The following SYNE2 variants were observed in gnomAD, a reference collection of about 807,000 sequenced individuals.
SYNE2 encodes the protein spectrin repeat containing nuclear envelope protein 2, also known as nesprin-2.
In SYNE2, 431 loss-of-function variants were observed where a neutral mutation model predicts 856.3. The ratio of observed to expected loss-of-function variants is 0.50; its 90% CI spans 0.47 to 0.55. SYNE2 has a LOEUF of 0.55. Ranked by LOEUF, SYNE2 falls within the 20% of genes least tolerant of loss-of-function variation. The pLI is 0.00. For synonymous variants in SYNE2, 2,923 were observed against 2,872.3 expected (o/e 1.02, Z -0.56); for missense variants, 8,129 against 8,023.2 (o/e 1.01, Z -0.50).
intron 88 of SYNE2, 85 bp from the exon 89 acceptor site, chr14:64,163,314 TCTC>T (rs1178826920): frequency 1.4e-6 from 2 of 1,455,592 alleles, no homozygotes; most frequent in South Asian, 2.3e-5. Context: ...GGGCAAATAT[TCTC>T]CTAGATTTTG....
intron 10 of SYNE2, among the ~76,000 whole-genome samples, chr14:63,967,209 A>G (rs1211561565): frequency 6.6e-6 from 1 of 152,160 alleles, no homozygotes; most frequent in African/African-American, 2.4e-5. Context: ...TGAACCAAGA[A>G]AAAGCTTTAC....
intron 74 of SYNE2, among the ~76,000 whole-genome samples, chr14:64,129,180 G>A (rs200069924): frequency 1.3e-5 from 2 of 152,156 alleles, no homozygotes; most frequent in South Asian, 2.1e-4. Context: ...AGTGGCACAC[G>A]GCTGTAGTCC....
At chr14:63,773,846 A>G (rs77879148) in intron 1 of SYNE2, among the ~76,000 whole-genome samples, 2,323 of 152,312 alleles carry the variant, frequency 0.015, 51 homozygotes, top group African/African-American at 0.053. Flanking sequence ...ATCTGTGATT[A>G]TCCTTCTGAT....
At chr14:63,823,121 A>G (rs1433468169) in intron 1 of SYNE2, among the ~76,000 whole-genome samples, 2 of 152,096 alleles carry the variant, frequency 1.3e-5, no homozygotes, top group Non-Finnish European at 2.9e-5. Flanking sequence ...AATAAAAAAG[A>G]AAGAAATCTC....
chr14:64,020,535 G>T (rs754837046), intron 35 of SYNE2, among the ~76,000 whole-genome samples: 19 of 152,046 alleles, frequency 1.2e-4, no homozygotes, highest in Non-Finnish European at 2.5e-4. Context: ...CATATTTAGC[G>T]TCAATGATAT....
chr14:64,182,075 C>T (rs1450514454), intron 96 of SYNE2, among the ~76,000 whole-genome samples: 1 of 152,122 alleles, frequency 6.6e-6, no homozygotes, highest in East Asian at 1.9e-4. Flanking sequence ...TTTGGTCCTC[C>T]TTTACCCAAA....
intron 45 of SYNE2, chr14:64,034,606 T>C: frequency 1.9e-6 from 1 of 521,476 alleles, no homozygotes. Flanking sequence ...ATTTTGTAGA[T>C]CTGGACCTTT....
intron 96 of SYNE2, among the ~76,000 whole-genome samples, chr14:64,183,779 G>A (rs2098474017): frequency 6.6e-6 from 1 of 152,066 alleles, no homozygotes; most frequent in African/African-American, 2.4e-5. Flanking sequence ...AGACAGACGT[G>A]GTGGCGTGCG....
At chr14:63,981,684 A>G (rs2096586676) in intron 16 of SYNE2, among the ~76,000 whole-genome samples, 1 of 152,134 alleles carries the variant, frequency 6.6e-6, no homozygotes. Context: ...TATTGTTTTC[A>G]TGTGTTATTT....
chr14:64,168,733 A>T, intron 92 of SYNE2, 144 bp from the exon 93 acceptor site: 1 of 653,594 alleles, frequency 1.5e-6, no homozygotes, highest in East Asian at 2.8e-5. Flanking sequence ...ATAGTTGAAC[A>T]TTTTTTGCAG....
intron 25 of SYNE2, 50 bp downstream of exon 25, chr14:63,997,441 C>T: frequency 7.3e-7 from 1 of 1,376,194 alleles, no homozygotes; most frequent in Non-Finnish European, 1.0e-6. Context: ...AGTAAAAGAC[C>T]AAGTGTACAA....
chr14:63,853,836 G>A lies in SYNE2; in HGVS notation c.-52+693G>A, dbSNP rs546623993. On this transcript the variant is annotated intron_variant, in intron 1 of 115. Transcript: ENST00000555002. ...ATTATAATTCCATTTTGATTGCTTG[G>A]GGTCTTTGTTGTCTGAAATTGCCTT... Among the ~76,000 whole-genome samples the A allele has an allele frequency of 3.3e-5, 5 of 152,286 alleles. No individual in the cohort carries two copies. The South Asian group carries it at 8.3e-4, about 25-fold the overall frequency.
intron 61 of SYNE2, among the ~76,000 whole-genome samples, chr14:64,093,945 T>C (rs2097653182): frequency 6.6e-6 from 1 of 152,182 alleles, no homozygotes; most frequent in Non-Finnish European, 1.5e-5. Flanking sequence ...CAGGCTGGGC[T>C]TCAGCAGTGA....
intron 52 of SYNE2, among the ~76,000 whole-genome samples, 156 bp downstream of exon 52, chr14:64,071,066 A>G (rs2097402583): frequency 6.6e-6 from 1 of 152,236 alleles, no homozygotes; most frequent in African/African-American, 2.4e-5. Flanking sequence ...ATTAGTAACT[A>G]TAATTAAGCA....
chr14:64,199,503 AG>A (rs1317633417), intron 99 of SYNE2, among the ~76,000 whole-genome samples: 1 of 152,116 alleles, frequency 6.6e-6, no homozygotes, highest in Non-Finnish European at 1.5e-5. Flanking sequence ...GGATCACTTG[AG>A]GTCAGGAGTT....
intron 1 of SYNE2, among the ~76,000 whole-genome samples, chr14:63,787,686 C>A (rs1274202013): frequency 2.0e-5 from 3 of 152,192 alleles, no homozygotes; most frequent in African/African-American, 7.2e-5. Flanking sequence ...TCTCTCCATC[C>A]TCTGCCCTGC....
At chr14:64,223,464 CAG>C (rs1268940610) in intron 113 of SYNE2, 84 bp downstream of exon 113, 38 of 1,526,864 alleles carry the variant, frequency 2.5e-5, no homozygotes, top group Non-Finnish European at 3.1e-5. Context: ...TGCTCTAAGA[CAG>C]AGGCCAGAAG....
rs558058052 is a variant in SYNE2 at position 63,913,572 on chromosome 14, C to A, written c.79+4345C>A. Among the ~76,000 whole-genome samples the A allele has an allele frequency of 2.0e-5, 3 of 151,346 alleles. No homozygotes were observed. In the South Asian group the frequency reaches 6.3e-4, roughly 32 times the overall value. On this transcript the variant is annotated intron_variant, in intron 2 of 115. Transcript: ENST00000555002. ...CCGCCTCCAGAGTTCAAGTGATTCT[C>A]CTGCCTTAGCCTCCTGAGTGGCTGG...
At chr14:63,968,614 A>G (rs756020575) in intron 11 of SYNE2, among the ~76,000 whole-genome samples, 1 of 152,192 alleles carries the variant, frequency 6.6e-6, no homozygotes, top group Non-Finnish European at 1.5e-5. Context: ...TATGGTACAT[A>G]ACTTTGTGCA....
Sources: gnomAD v4.1 joint callset for allele counts (sites outside exome capture counted in the v4.1 genomes callset) on GRCh38, gnomAD v4.1.1 for gene constraint, MANE v1.5 for transcripts, NCBI Gene and HGNC (gene_info 2026-07-23, HGNC 2026-07-21) for gene names.